Variants in HNRNPM observed in about 807,000 individuals in gnomAD.
HNRNPM encodes CEA receptor.
In HNRNPM, 11 loss-of-function variants were observed where a neutral mutation model predicts 73.1. That is an observed-to-expected ratio of 0.15 (90% CI 0.09 to 0.25). The LOEUF is 0.25. Among genes scored for constraint, HNRNPM ranks in the 10% least tolerant of loss-of-function variants. The pLI, the probability that HNRNPM is intolerant of heterozygous loss-of-function variation, is 1.00. For synonymous variants in HNRNPM, 407 were observed against 355.2 expected, an observed-to-expected ratio of 1.15 and a Z score of -1.64; for missense variants, 789 against 1,067.9, an observed-to-expected ratio of 0.74 and a Z score of 3.64.
At chr19:8,468,135 C>T (rs1292138605) in intron 8 of HNRNPM, among the ~76,000 whole-genome samples, 2 of 152,222 alleles carry the variant, frequency 1.3e-5, no homozygotes, top group Admixed American at 6.5e-5. Context: ...CAGGAAGTCA[C>T]CTGGGTATCC....
intron 12 of HNRNPM, among the ~76,000 whole-genome samples, chr19:8,481,042 C>T (rs149117648): frequency 6.6e-6 from 1 of 152,280 alleles, no homozygotes; most frequent in East Asian, 1.9e-4. Flanking sequence ...ACCTCTTTCC[C>T]GTGTCCTTTG....
At chr19:8,474,756 C>G (rs1400177409) in intron 12 of HNRNPM, among the ~76,000 whole-genome samples, 1 of 148,402 alleles carries the variant, frequency 6.7e-6, no homozygotes, top group Non-Finnish European at 1.5e-5. Context: ...ACTCTGTCAC[C>G]TAGGCTGGAG....
In HNRNPM at chr19:8,468,698, G is replaced by A. The variant is rs955742550; in HGVS notation, c.835-76G>A. ...TTTAGCTGGTCCTCTCTTGATGGGG[G>A]GCCATTTCAGTCTTTTGCTGTTGCA... is the stretch of plus-strand genomic sequence containing the variant. On this transcript the variant is annotated intron_variant, in intron 8 of 15. Coordinates refer to ENST00000325495, the MANE Select transcript of HNRNPM (RefSeq NM_005968.5). 8 of 1,071,850 alleles carry A rather than the reference G, an allele frequency of 7.5e-6. No homozygotes were observed. In the African/African-American group the frequency reaches 1.2e-4, roughly 17 times the overall value. The allele number at this position is 1,071,850 out of a possible 1,614,324, so 66.4% of individuals were successfully genotyped here. A position where few individuals can be genotyped will look rare whatever the true frequency, so the allele number is the denominator to read the frequency against.
intron 1 of HNRNPM, among the ~76,000 whole-genome samples, chr19:8,446,441 C>G (rs6603078): frequency 0.87 from 132,665 of 152,172 alleles, 59,963 homozygotes; most frequent in South Asian, 0.99. Context: ...ACAGGGTCTC[C>G]CTCTGTTACC....
rs746072746 is a variant in HNRNPM at position 8,486,271 on chromosome 19, G to C, written c.1843G>C (p.Gly615Arg). ...CATGGGCCTGGCCATGGGTGGCGGT[G>C]GCGGTGCCAGCTTTGACCGTGCCAT... ...ERMGLAMGGG[G>R]GASFDRAIEM... Residue 615 changes from glycine (G) to arginine (R), a missense_variant, in exon 14 of 16, where the codon GGC (glycine) becomes CGC (arginine). Gly to Arg is a moderately radical substitution (Grantham distance 125, BLOSUM62 -2). This residue lies in a region of HNRNPM where 604 missense variants were observed against 744.0 expected (regional missense o/e 0.81). Coordinates refer to ENST00000325495, the MANE Select transcript of HNRNPM (RefSeq NM_005968.5). The C allele has an allele frequency of 1.2e-6, 2 of 1,601,850 alleles. No homozygotes were observed. Among genetic ancestry groups the C allele is most frequent in the Admixed American group, 3.3e-5 (2 of 60,000 alleles).
intron 15 of HNRNPM, 147 bp downstream of exon 15, chr19:8,487,222 G>A (rs890278108): frequency 5.4e-6 from 4 of 739,054 alleles, no homozygotes; most frequent in Middle Eastern, 2.8e-4. Context: ...TGCTCAGGCA[G>A]GTTGTTGAGT....
rs538687445 is a variant in HNRNPM, at chr19:8,452,046, A to G, written c.114-3359A>G. Among the ~76,000 whole-genome samples the G allele has an allele frequency of 4.6e-5, 7 of 152,312 alleles. No homozygotes were observed. In the East Asian group the frequency reaches 9.6e-4, roughly 21 times the overall value. On this transcript the variant is annotated intron_variant, in intron 1 of 15. Transcript: ENST00000325495. ...TGCAGAGGTGCTGTGCCCATTAAGC[A>G]TGGTGAGAGCCGCTTTCTCAATGGT...
At chr19:8,469,348 G>GAGT (rs1266034311) in intron 9 of HNRNPM, among the ~76,000 whole-genome samples, 1 of 152,224 alleles carries the variant, frequency 6.6e-6, no homozygotes, top group Non-Finnish European at 1.5e-5. Context: ...GGCCGGGAAG[G>GAGT]AGTAAGTAGG....
Position 8,482,989 on chromosome 19 carries a change from C to CT in HNRNPM, c.1121-168dup, listed in dbSNP as rs1971026516. On this transcript the variant is annotated intron_variant, in intron 12 of 15. Coordinates refer to ENST00000325495, the MANE Select transcript of HNRNPM (RefSeq NM_005968.5). Reference sequence around the variant, plus strand: ...GCATCGTGACCCAGCATCAAGGACTCTCCTAGTTCTCTGTAAAATGATCTT... The same window carrying CT: ...GCATCGTGACCCAGCATCAAGGACTCTTCCTAGTTCTCTGTAAAATGATCTT... 1.7e-5 allele frequency: 10 copies of CT among 595,292 alleles called. No individual in the cohort carries two copies. The East Asian group carries it at 2.8e-4, about 17-fold the overall frequency. The allele number at this position is 595,292 out of a possible 1,614,324, so 36.9% of individuals were successfully genotyped here.
intron 15 of HNRNPM, 94 bp from the exon 16 acceptor site, chr19:8,488,597 C>T: frequency 8.9e-7 from 1 of 1,126,858 alleles, no homozygotes; most frequent in Admixed American, 2.4e-5. Flanking sequence ...AGCCTTTGTG[C>T]TCTAGGCTTC....
intron 13 of HNRNPM, 85 bp downstream of exon 13, chr19:8,483,296 G>T: frequency 3.9e-6 from 4 of 1,025,482 alleles, no homozygotes; most frequent in Non-Finnish European, 6.1e-6. Flanking sequence ...TGAGAAGTGC[G>T]GGTTCTGACA....
chr19:8,485,722 T>A lies in HNRNPM; in HGVS notation c.1294T>A (p.Ser432Thr). ...GLGHGMDRVGSEIERMGLVMD... is the reference protein window; with the variant it reads ...GLGHGMDRVGTEIERMGLVMD... Reference sequence around the variant, plus strand: ...GGGCCACGGCATGGATCGCGTGGGCTCCGAGATCGAGCGCATGGGCCTGGT... The same window carrying A: ...GGGCCACGGCATGGATCGCGTGGGCACCGAGATCGAGCGCATGGGCCTGGT... The change falls in exon 14 of 16, where the codon TCC becomes ACC. Residue 432 changes from serine to threonine, a missense_variant. Physicochemically the swap from Ser to Thr is moderately conservative, Grantham distance 58. This residue lies in a region of HNRNPM where 604 missense variants were observed against 744.0 expected (regional missense o/e 0.81). Coordinates refer to ENST00000325495, the MANE Select transcript of HNRNPM (RefSeq NM_005968.5). 2 of 1,605,330 alleles carry A rather than the reference T, an allele frequency of 1.2e-6. No homozygotes were observed. Among genetic ancestry groups the A allele is most frequent in the Non-Finnish European group, 1.7e-6 (2 of 1,179,264 alleles).
intron 2 of HNRNPM, among the ~76,000 whole-genome samples, chr19:8,456,172 C>T (rs896716561): frequency 6.6e-6 from 1 of 152,120 alleles, no homozygotes; most frequent in Non-Finnish European, 1.5e-5. Flanking sequence ...CTTTGTAACG[C>T]GGTGCCTTAG....
In HNRNPM at chr19:8,487,089, A is replaced by T. The variant is rs1971366143; in HGVS notation, c.2029+14A>T. ...TCAACGAGTGCGGTAAGTGTTGGGA[A>T]CGGCTTTGTAGGTGCTTCCCTCGTG... On this transcript the variant is annotated intron_variant, in intron 15 of 15. Coordinates refer to ENST00000325495, the MANE Select transcript of HNRNPM (RefSeq NM_005968.5). The T allele has an allele frequency of 1.2e-6, 2 of 1,610,286 alleles. No homozygotes were observed. The highest frequency in any genetic ancestry group is 8.5e-7 in the Non-Finnish European group (1 of 1,176,500).
At chr19:8,485,203 C>T (rs1971188379) in intron 13 of HNRNPM, among the ~76,000 whole-genome samples, 1 of 152,064 alleles carries the variant, frequency 6.6e-6, no homozygotes. Context: ...CTGTTCATTA[C>T]CCTGGGTGGC....
chr19:8,485,212 G>GC (rs1971190308), intron 13 of HNRNPM, among the ~76,000 whole-genome samples: 2 of 152,026 alleles, frequency 1.3e-5, no homozygotes, highest in Non-Finnish European at 2.9e-5. Context: ...ACCCTGGGTG[G>GC]CCCCCCGAGT....
chr19:8,458,050 T>G (rs1198955673), intron 2 of HNRNPM, among the ~76,000 whole-genome samples: 1 of 152,190 alleles, frequency 6.6e-6, no homozygotes, highest in Admixed American at 6.5e-5. Flanking sequence ...TTTCTGTCAT[T>G]ATAGCACTAT....
In HNRNPM at chr19:8,486,124, A is replaced by G; in HGVS notation, c.1696A>G (p.Met566Val). ...ERMGANNLER[M>V]GLERMGANSL... Reference sequence around the variant, plus strand: ...CATGGGCGCCAACAATCTGGAGCGGATGGGCCTGGAGCGCATGGGCGCCAA... The same window carrying G: ...CATGGGCGCCAACAATCTGGAGCGGGTGGGCCTGGAGCGCATGGGCGCCAA... The change falls in exon 14 of 16, where the codon ATG becomes GTG. Residue 566 changes from methionine to valine, a missense_variant. This residue lies in a region of HNRNPM where 604 missense variants were observed against 744.0 expected (regional missense o/e 0.81). Coordinates refer to ENST00000325495, the MANE Select transcript of HNRNPM (RefSeq NM_005968.5). 1 of 1,603,984 alleles carries G rather than the reference A, an allele frequency of 6.2e-7. No homozygotes were observed. Among genetic ancestry groups the G allele is most frequent in the Non-Finnish European group, 8.5e-7 (1 of 1,179,014 alleles).
In HNRNPM at chr19:8,463,672, C is replaced by T; in HGVS notation, c.424C>T (p.Leu142=). Residue 142 remains leucine, a synonymous_variant, in exon 5 of 16, where the codon CTG becomes TTG. Transcript: ENST00000325495. ...LNKHSLSGRP[L]KVKEDPDGEH... Reference sequence around the variant, plus strand: ...CAAGCATAGTCTGAGCGGAAGACCACTGAAAGTCAAAGAAGTAAGCTCTTG... The same window carrying T: ...CAAGCATAGTCTGAGCGGAAGACCATTGAAAGTCAAAGAAGTAAGCTCTTG... The T allele has an allele frequency of 6.2e-7, 1 of 1,610,894 alleles. No individual in the cohort carries two copies. The highest frequency in any genetic ancestry group is 8.5e-7 in the Non-Finnish European group (1 of 1,177,086).
Sources: allele counts gnomAD v4.1 joint callset (sites outside exome capture counted in the v4.1 genomes callset), GRCh38; gene constraint gnomAD v4.1.1; regional missense constraint gnomAD v4.1.1; transcripts MANE v1.5; gene names NCBI Gene and HGNC (gene_info 2026-07-23, HGNC 2026-07-21).